MRTFB: variants seen among roughly 807,000 people sequenced by gnomAD.
MRTFB encodes the protein myocardin-related transcription factor B.
Under a neutral mutation model 104.2 loss-of-function variants are expected in MRTFB, and 29 were observed. The ratio of observed to expected loss-of-function variants is 0.28; its 90% CI spans 0.21 to 0.38. The LOEUF (loss-of-function observed/expected upper bound fraction) is 0.38. Ranked by LOEUF, MRTFB falls within the 10% of genes least tolerant of loss-of-function variation. MRTFB has a pLI of 1.00. For missense variants in MRTFB, 1,270 were observed against 1,341.6 expected (o/e 0.95, Z 0.83); for synonymous variants, 535 against 519.5 (o/e 1.03, Z -0.41).
chr16:14,063,055 C>T, the MRTFB span, among the ~76,000 whole-genome samples: 2 of 152,202 alleles, frequency 1.3e-5, no homozygotes, highest in Non-Finnish European at 1.5e-5. Context: ...GGTGCCCGGA[C>T]TTACAATGTG....
At chr16:14,230,305 T>G (rs1597320938) in intron 8 of MRTFB, among the ~76,000 whole-genome samples, 1 of 152,050 alleles carries the variant, frequency 6.6e-6, no homozygotes, top group East Asian at 1.9e-4. Context: ...ACTAAAGAGC[T>G]TCTGCACAGC....
chr16:14,145,087 AG>A (rs2038241198), intron 3 of MRTFB, among the ~76,000 whole-genome samples: 1 of 151,088 alleles, frequency 6.6e-6, no homozygotes, highest in East Asian at 1.9e-4. Flanking sequence ...TTATGTGAGC[AG>A]AGTATGTTCA....
In MRTFB at chr16:14,200,341, C is replaced by T. The variant is rs1024352565; in HGVS notation, c.155-9902C>T. ...GCTGACGTGGCTCCCGGAAGTAAGG[C>T]TGGCGTAGGGCCGCCATGTTGCAGC... On this transcript the variant is annotated intron_variant, in intron 3 of 16. Coordinates refer to ENST00000571589, the MANE Select transcript of MRTFB (RefSeq NM_001308142.2). 8.1e-6 allele frequency: 13 copies of T among 1,607,450 alleles called. No homozygotes were observed. In the Admixed American group the frequency reaches 8.4e-5, roughly 10 times the overall value.
the MRTFB span, among the ~76,000 whole-genome samples, chr16:14,061,049 A>C: frequency 6.6e-6 from 1 of 152,058 alleles, no homozygotes; most frequent in African/African-American, 2.4e-5. Context: ...AGGAGGCTGA[A>C]GCAGGAGAAT....
chr16:13,995,259 C>G, the MRTFB span, among the ~76,000 whole-genome samples: 1 of 152,126 alleles, frequency 6.6e-6, no homozygotes, highest in Non-Finnish European at 1.5e-5. Context: ...AAACTGGGGT[C>G]AGGTTATCTT....
At chr16:14,011,754 C>G in the MRTFB span, among the ~76,000 whole-genome samples, 5 of 152,068 alleles carry the variant, frequency 3.3e-5, no homozygotes, top group Non-Finnish European at 2.9e-5. Context: ...CGCCTGTAAT[C>G]CCAACTACTG....
the MRTFB span, among the ~76,000 whole-genome samples, chr16:14,051,253 T>C: frequency 4.6e-5 from 7 of 150,770 alleles, no homozygotes; most frequent in Middle Eastern, 6.9e-3. Flanking sequence ...CACGTACCCA[T>C]AGACATACAG....
the MRTFB span, among the ~76,000 whole-genome samples, chr16:14,001,707 C>T: frequency 1.6e-4 from 25 of 152,236 alleles, no homozygotes; most frequent in Non-Finnish European, 3.5e-4. Flanking sequence ...GCTGCAAAAC[C>T]AGGCCGGCGG....
At chr16:14,193,375 G>A (rs1346581113) in intron 3 of MRTFB, among the ~76,000 whole-genome samples, 2 of 151,956 alleles carry the variant, frequency 1.3e-5, no homozygotes, top group Non-Finnish European at 2.9e-5. Flanking sequence ...GAAGCCGCTG[G>A]ACTTGCTCTC....
At chr16:14,164,263 A>G (rs1300126225) in intron 3 of MRTFB, among the ~76,000 whole-genome samples, 3 of 152,118 alleles carry the variant, frequency 2.0e-5, no homozygotes, top group African/African-American at 4.8e-5. Context: ...GTTACTCTGT[A>G]TCTCTATCTC....
At chr16:14,056,747 T>G in the MRTFB span, among the ~76,000 whole-genome samples, 3 of 152,156 alleles carry the variant, frequency 2.0e-5, no homozygotes, top group South Asian at 6.2e-4. Flanking sequence ...CATGCATGCA[T>G]GGATATATCT....
At chr16:14,082,773 T>C (rs1183287465) in intron 2 of MRTFB, among the ~76,000 whole-genome samples, 1 of 152,154 alleles carries the variant, frequency 6.6e-6, no homozygotes, top group Non-Finnish European at 1.5e-5. Context: ...GGAACAAGAC[T>C]GTCTTAATAA....
intron 3 of MRTFB, among the ~76,000 whole-genome samples, chr16:14,179,640 T>C (rs1216282275): frequency 1.3e-5 from 2 of 152,134 alleles, no homozygotes; most frequent in Non-Finnish European, 2.9e-5. Context: ...CAAGGGGCAA[T>C]GGCAGAATAT....
chr16:14,036,296 T>TTATATATATATATATATATATATA, the MRTFB span, among the ~76,000 whole-genome samples: 268 of 98,256 alleles, frequency 2.7e-3, 6 homozygotes, highest in Middle Eastern at 4.9e-3. Flanking sequence ...TTATATATAT[T>TTATATATATATATATATATATATA]TATATATATA....
At chr16:14,061,377 C>A in the MRTFB span, among the ~76,000 whole-genome samples, 1 of 152,142 alleles carries the variant, frequency 6.6e-6, no homozygotes, top group Non-Finnish European at 1.5e-5. Context: ...TGGAGCCCTG[C>A]ATGTGCCCAG....
At chr16:14,137,015 T>A (rs891103198) in intron 2 of MRTFB, among the ~76,000 whole-genome samples, 5 of 152,238 alleles carry the variant, frequency 3.3e-5, no homozygotes, top group Non-Finnish European at 4.4e-5. Flanking sequence ...CAGTGAAAGC[T>A]AAGTGATTGT....
chr16:14,132,515 A>C (rs1316832320), intron 2 of MRTFB, among the ~76,000 whole-genome samples: 2 of 152,184 alleles, frequency 1.3e-5, no homozygotes, highest in Non-Finnish European at 2.9e-5. Context: ...CTACCTGCTA[A>C]AGTGCTTTTG....
the MRTFB span, among the ~76,000 whole-genome samples, chr16:14,019,774 C>A: frequency 5.3e-5 from 8 of 152,138 alleles, no homozygotes; most frequent in Non-Finnish European, 1.0e-4. Context: ...GTTAATCGAT[C>A]CCGCTGAACC....
chr16:14,176,058 A>T (rs2039572253), intron 3 of MRTFB, among the ~76,000 whole-genome samples: 2 of 151,038 alleles, frequency 1.3e-5, no homozygotes, highest in South Asian at 4.1e-4. Flanking sequence ...AACTCACTAT[A>T]TACTTTAAAT....
Sources: gnomAD v4.1 joint callset for allele counts (sites outside exome capture counted in the v4.1 genomes callset) on GRCh38, gnomAD v4.1.1 for gene constraint, MANE v1.5 for transcripts, NCBI Gene and HGNC (gene_info 2026-07-23, HGNC 2026-07-21) for gene names.